Variants in LDB2 observed in about 807,000 individuals in gnomAD.
LDB2 encodes LIM domain-binding protein 2.
Under a neutral mutation model 44.3 loss-of-function variants are expected in LDB2, and 12 were observed. The observed-to-expected ratio is 0.27, with a 90% CI of 0.17 to 0.44. The LOEUF (loss-of-function observed/expected upper bound fraction) is 0.44. Among genes scored for constraint, LDB2 ranks in the 20% least tolerant of loss-of-function variants. The pLI is 1.00. For missense variants in LDB2, 344 were observed against 473.5 expected, an observed-to-expected ratio of 0.73 and a Z score of 2.54; for synonymous variants, 164 against 174.8, an observed-to-expected ratio of 0.94 and a Z score of 0.49.
At chr4:16,642,350 A>G (rs1207780790) in intron 2 of LDB2, among the ~76,000 whole-genome samples, 2 of 152,198 alleles carry the variant, frequency 1.3e-5, no homozygotes, top group Non-Finnish European at 2.9e-5. Flanking sequence ...AGGAGAGAAC[A>G]TAGCAGGTAA....
chr4:16,726,548 A>T (rs544486700), intron 2 of LDB2: 188 of 152,352 alleles, frequency 1.2e-3, no homozygotes, highest in African/African-American at 4.2e-3. Context: ...CCAAATGAGT[A>T]TGTGGAGTTC....
At chr4:16,761,344 G>T (rs1212491401) in intron 1 of LDB2, among the ~76,000 whole-genome samples, 1 of 152,184 alleles carries the variant, frequency 6.6e-6, no homozygotes, top group Non-Finnish European at 1.5e-5. Context: ...AGAGGCTGTG[G>T]TTAGGATTCA....
intron 5 of LDB2, among the ~76,000 whole-genome samples, chr4:16,571,101 T>C (rs1746375349): frequency 6.6e-6 from 1 of 152,044 alleles, no homozygotes; most frequent in South Asian, 2.1e-4. Context: ...GGAGATGAAG[T>C]TGGAGAGGCT....
intron 1 of LDB2, among the ~76,000 whole-genome samples, chr4:16,895,625 AGAGG>A (rs1180604700): frequency 6.6e-6 from 1 of 152,064 alleles, no homozygotes; most frequent in Non-Finnish European, 1.5e-5. Context: ...CAGAAGAGAG[AGAGG>A]AAGAGAGAGA....
At chr4:16,632,360 G>T (rs1318927144) in intron 2 of LDB2, among the ~76,000 whole-genome samples, 1 of 152,130 alleles carries the variant, frequency 6.6e-6, no homozygotes, top group Non-Finnish European at 1.5e-5. Context: ...ATGCAGAAAA[G>T]GCCTTCAACA....
At chr4:16,821,495 T>C (rs889558117) in intron 1 of LDB2, among the ~76,000 whole-genome samples, 4 of 150,830 alleles carry the variant, frequency 2.7e-5, no homozygotes, top group Admixed American at 6.6e-5. Flanking sequence ...GCCATTCTCC[T>C]GCCTCAGCCT....
intron 1 of LDB2, among the ~76,000 whole-genome samples, chr4:16,794,487 T>G (rs1320813279): frequency 6.6e-6 from 1 of 152,174 alleles, no homozygotes; most frequent in Non-Finnish European, 1.5e-5. Flanking sequence ...AGGCCAAGGG[T>G]TCTGAGTTCC....
intron 1 of LDB2, among the ~76,000 whole-genome samples, chr4:16,799,317 G>A (rs1484434389): frequency 6.6e-6 from 1 of 152,214 alleles, no homozygotes. Context: ...TGAACATGGT[G>A]CCTGAGGCAC....
chr4:16,563,311 T>G lies in LDB2; in HGVS notation c.615+22611A>C, dbSNP rs1380935772. On this transcript the variant is annotated intron_variant, in intron 5 of 7. Coordinates refer to ENST00000304523, the MANE Select transcript of LDB2 (RefSeq NM_001290.5). ...GTTTCTATCTGTGATTTTTTTATTT[T>G]TTATTTTTTGTATTAAAAACCTCCA... 2.0e-5 allele frequency among the ~76,000 whole-genome samples: 3 copies of G among 151,776 alleles called. No homozygotes were observed. In the East Asian group the frequency reaches 5.8e-4, roughly 29 times the overall value.
intron 5 of LDB2, among the ~76,000 whole-genome samples, chr4:16,568,167 G>T (rs550674300): frequency 1.3e-5 from 2 of 152,208 alleles, no homozygotes; most frequent in Admixed American, 1.3e-4. Flanking sequence ...AGACTGTAAG[G>T]TGATGGTGAC....
intron 3 of LDB2, among the ~76,000 whole-genome samples, chr4:16,591,975 T>C (rs1282931119): frequency 2.0e-5 from 3 of 152,136 alleles, no homozygotes; most frequent in Non-Finnish European, 2.9e-5. Flanking sequence ...TACCGTACTG[T>C]GAGCTCTGAC....
At chr4:16,827,944 C>T (rs1444185731) in intron 1 of LDB2, among the ~76,000 whole-genome samples, 3 of 152,172 alleles carry the variant, frequency 2.0e-5, no homozygotes, top group African/African-American at 2.4e-5. Context: ...TGGTTTTCTC[C>T]TCTTTGACTC....
At chr4:16,876,434 C>T (rs1040450704) in intron 1 of LDB2, among the ~76,000 whole-genome samples, 3 of 152,124 alleles carry the variant, frequency 2.0e-5, no homozygotes, top group Non-Finnish European at 4.4e-5. Context: ...TAAAGAGTTG[C>T]TAGGGTCACC....
At chr4:16,816,219 T>TG (rs1780863940) in intron 1 of LDB2, among the ~76,000 whole-genome samples, 1 of 151,832 alleles carries the variant, frequency 6.6e-6, no homozygotes, top group Non-Finnish European at 1.5e-5. Flanking sequence ...AGATAAAAAA[T>TG]TAAAAAATCC....
At chr4:16,594,407 T>G (rs192981909) in intron 3 of LDB2, among the ~76,000 whole-genome samples, 152 of 152,344 alleles carry the variant, frequency 1.0e-3, no homozygotes, top group Non-Finnish European at 1.7e-3. Flanking sequence ...CCAGGACTTC[T>G]GCATCCAGTG....
intron 2 of LDB2, among the ~76,000 whole-genome samples, chr4:16,608,860 T>G (rs1724736010): frequency 6.6e-6 from 1 of 152,148 alleles, no homozygotes; most frequent in African/African-American, 2.4e-5. Flanking sequence ...GGAGCAGGGC[T>G]GCTCCATTGC....
chr4:16,844,429 C>G (rs151014727), intron 1 of LDB2, among the ~76,000 whole-genome samples: 1 of 152,226 alleles, frequency 6.6e-6, no homozygotes, highest in African/African-American at 2.4e-5. Context: ...AGTTGCACAT[C>G]TGGAAAAGGA....
intron 2 of LDB2, among the ~76,000 whole-genome samples, chr4:16,728,060 G>A (rs1759907026): frequency 1.3e-5 from 2 of 152,112 alleles, no homozygotes; most frequent in Admixed American, 6.5e-5. Flanking sequence ...GGGAACTGGA[G>A]GAATTTCTAG....
At chr4:16,731,979 A>T (rs1435041229) in intron 2 of LDB2, among the ~76,000 whole-genome samples, 1 of 152,228 alleles carries the variant, frequency 6.6e-6, no homozygotes, top group African/African-American at 2.4e-5. Flanking sequence ...AAATTCTAAG[A>T]ATGTCCCAAC....
Sources: gnomAD v4.1 joint callset for allele counts (sites outside exome capture counted in the v4.1 genomes callset) on GRCh38, gnomAD v4.1.1 for gene constraint, MANE v1.5 for transcripts, NCBI Gene and HGNC (gene_info 2026-07-23, HGNC 2026-07-21) for gene names.